Variants in DLGAP2 observed in about 807,000 individuals in gnomAD.
DLGAP2 encodes DLG associated protein 2.
A neutral mutation model predicts 100.3 loss-of-function variants in DLGAP2; 26 were observed. The observed-to-expected ratio is 0.26, with a 90% CI of 0.19 to 0.36. The LOEUF is 0.36. DLGAP2 is among the 10% of genes least tolerant of loss of function. The pLI is 1.00. For missense variants in DLGAP2, 1,858 were observed against 1,453.2 expected, an observed-to-expected ratio of 1.28 and a Z score of -4.53; for synonymous variants, 886 against 630.1, an observed-to-expected ratio of 1.41 and a Z score of -6.08.
At chr8:1,188,766 T>A (rs1563241136) in intron 2 of DLGAP2, among the ~76,000 whole-genome samples, 1 of 152,220 alleles carries the variant, frequency 6.6e-6, no homozygotes. Flanking sequence ...GAAAGACATT[T>A]CCTGTTACAC....
At chr8:1,073,603 G>A (rs55641010) in intron 2 of DLGAP2, among the ~76,000 whole-genome samples, 9,350 of 152,254 alleles carry the variant, frequency 0.061, 965 homozygotes, top group African/African-American at 0.21. Flanking sequence ...AGTTCCTTGA[G>A]TGAAATGGTG....
rs1554494647 is a variant in DLGAP2, at chr8:1,164,201, G to GTC, written c.74-94650_74-94649insTC. The stretch of plus-strand genomic sequence containing the variant: ...TTGGTTTGTGGGGATTTTTCTGTGA[G>GTC]CCCCCAGGGCCCGTCATTTTGGTTT... On this transcript the variant is annotated intron_variant, in intron 2 of 14. Transcript: ENST00000637795. Among the ~76,000 whole-genome samples the GTC allele has an allele frequency of 4.4e-3, 101 of 22,810 alleles. 3 individuals are homozygous for GTC. The highest frequency in any genetic ancestry group is 0.014 in the African/African-American group (58 of 4,098). 15.0% of individuals were successfully genotyped at this position (22,810 alleles called of 152,430 possible).
intron 2 of DLGAP2, among the ~76,000 whole-genome samples, chr8:930,788 G>C (rs969837443): frequency 1.3e-5 from 2 of 152,218 alleles, no homozygotes; most frequent in African/African-American, 4.8e-5. Context: ...CCGTGGTGCA[G>C]AGGCTGTCCT....
chr8:1,360,045 T>C (rs571751678), intron 3 of DLGAP2, among the ~76,000 whole-genome samples: 1 of 152,250 alleles, frequency 6.6e-6, no homozygotes, highest in African/African-American at 2.4e-5. Flanking sequence ...CGCGAGCCAC[T>C]TTCCGCCTCT....
intron 2 of DLGAP2, among the ~76,000 whole-genome samples, chr8:936,278 G>T (rs2129004340): frequency 1.3e-5 from 2 of 152,276 alleles, no homozygotes; most frequent in South Asian, 2.1e-4. Context: ...GGGGACCCAA[G>T]GGGGCTCTAT....
chr8:1,182,057 G>A (rs1004686094), intron 2 of DLGAP2, among the ~76,000 whole-genome samples: 2 of 152,240 alleles, frequency 1.3e-5, no homozygotes, highest in Non-Finnish European at 2.9e-5. Context: ...GTGCGTAAGA[G>A]CCATGTGCCT....
chr8:814,675 G>A (rs558067003), intron 1 of DLGAP2, among the ~76,000 whole-genome samples: 27 of 151,014 alleles, frequency 1.8e-4, no homozygotes, highest in Non-Finnish European at 2.7e-4. Flanking sequence ...GTGAAACCCC[G>A]TCTCTACTAA....
At chr8:744,477 C>T (rs542525120) in intron 1 of DLGAP2, among the ~76,000 whole-genome samples, 184 of 151,942 alleles carry the variant, frequency 1.2e-3, no homozygotes, top group African/African-American at 4.3e-3. Context: ...CTGCGTCCCT[C>T]CCTCTTCTCC....
chr8:1,241,175 C>T lies in DLGAP2; in HGVS notation c.74-17676C>T, dbSNP rs75453564. On this transcript the variant is annotated intron_variant, in intron 2 of 14. Transcript: ENST00000637795. ...TGCCATGTCTAGTTCTCTCACGTGG[C>T]GCCGTGTCTCGTTCTCTCACATGGA... Among the ~76,000 whole-genome samples, 121 of 18,180 alleles carry T rather than the reference C, an allele frequency of 6.7e-3. 10 individuals carry two copies. Among genetic ancestry groups the T allele is most frequent in the Non-Finnish European group, 6.4e-3 (30 of 4,712 alleles). 11.9% of individuals were successfully genotyped at this position (18,180 alleles called of 152,430 possible).
chr8:1,186,930 G>C (rs773174675), intron 2 of DLGAP2, among the ~76,000 whole-genome samples: 14 of 152,104 alleles, frequency 9.2e-5, no homozygotes, highest in Non-Finnish European at 1.8e-4. Flanking sequence ...GAAATTGTGT[G>C]GGGCAGAAGG....
At chr8:1,687,474 A>G (rs962741706) in intron 12 of DLGAP2, among the ~76,000 whole-genome samples, 1 of 152,214 alleles carries the variant, frequency 6.6e-6, no homozygotes, top group African/African-American at 2.4e-5. Flanking sequence ...CTTCTTTGCA[A>G]TTATAGGAAG....
intron 2 of DLGAP2, among the ~76,000 whole-genome samples, chr8:909,557 C>G (rs916994390): frequency 1.3e-5 from 2 of 151,782 alleles, no homozygotes; most frequent in Non-Finnish European, 1.5e-5. Context: ...TTTCATGAGA[C>G]TCCAAGTAAT....
intron 8 of DLGAP2, among the ~76,000 whole-genome samples, chr8:1,646,830 T>C (rs1585029525): frequency 1.1e-5 from 1 of 92,418 alleles, no homozygotes; most frequent in African/African-American, 3.1e-5. Context: ...CAAAATCCCC[T>C]TCTGGAAAGG....
intron 3 of DLGAP2, among the ~76,000 whole-genome samples, chr8:1,449,148 T>G (rs1798067847): frequency 6.6e-6 from 1 of 152,276 alleles, no homozygotes; most frequent in East Asian, 1.9e-4. Flanking sequence ...CATCTTCCCC[T>G]GATGGGGAAA....
At chr8:1,040,159 GGT>G (rs1563159365) in intron 2 of DLGAP2, among the ~76,000 whole-genome samples, 1 of 140,860 alleles carries the variant, frequency 7.1e-6, no homozygotes, top group Non-Finnish European at 1.5e-5. Flanking sequence ...TGTTCGGCTC[GGT>G]GTGTGTTGTC....
At chr8:1,407,766 G>A (rs1254581261) in intron 3 of DLGAP2, among the ~76,000 whole-genome samples, 1 of 148,176 alleles carries the variant, frequency 6.7e-6, no homozygotes, top group Non-Finnish European at 1.5e-5. Flanking sequence ...CGTGTATTGA[G>A]TGCTTACTGA....
At chr8:1,079,102 G>T (rs1471017006) in intron 2 of DLGAP2, among the ~76,000 whole-genome samples, 1 of 152,204 alleles carries the variant, frequency 6.6e-6, no homozygotes, top group African/African-American at 2.4e-5. Context: ...ATCTGAGCAG[G>T]TGTGTGATGG....
At chr8:963,209 A>G (rs1483331635) in intron 2 of DLGAP2, among the ~76,000 whole-genome samples, 1 of 151,816 alleles carries the variant, frequency 6.6e-6, no homozygotes, top group Non-Finnish European at 1.5e-5. Flanking sequence ...GCCTGCAGGG[A>G]GCAGAGGTGG....
intron 3 of DLGAP2, among the ~76,000 whole-genome samples, chr8:1,413,581 A>G (rs971670170): frequency 2.6e-5 from 4 of 152,378 alleles, no homozygotes; most frequent in African/African-American, 9.6e-5. Context: ...ATTGCCTTAA[A>G]GTCCAGAAAC....
Sources: gnomAD v4.1 joint callset for allele counts (sites outside exome capture counted in the v4.1 genomes callset) on GRCh38, gnomAD v4.1.1 for gene constraint, MANE v1.5 for transcripts, NCBI Gene and HGNC (gene_info 2026-07-23, HGNC 2026-07-21) for gene names.